Variants in SERPINI1 observed in about 807,000 individuals in gnomAD.
SERPINI1 encodes neuroserpin.
SERPINI1 carries 19 observed loss-of-function variants against 41.1 expected under a neutral mutation model. The ratio of observed to expected loss-of-function variants is 0.46; its 90% confidence interval spans 0.32 to 0.68. The LOEUF (loss-of-function observed/expected upper bound fraction) is 0.68, where lower values mean the gene tolerates loss of function less well. Ranked by LOEUF, SERPINI1 falls within the 30% of genes least tolerant of loss-of-function variation. The pLI is 0.03. For synonymous variants in SERPINI1, 138 were observed against 156.6 expected (o/e 0.88, Z 0.89); for missense variants, 460 against 479.2 (o/e 0.96, Z 0.37).
chr3:167,765,910 C>T (rs1335373210), intron 1 of SERPINI1, among the ~76,000 whole-genome samples: 1 of 152,174 alleles, frequency 6.6e-6, no homozygotes, highest in East Asian at 1.9e-4. Context: ...CAAGAGTCAC[C>T]TTTGCTGCAG....
Position 167,789,105 on chromosome 3 carries a change from T to C in SERPINI1, c.-18-6T>C. 1 of 1,612,562 alleles carries C rather than the reference T, an allele frequency of 6.2e-7. No homozygotes were observed. The highest frequency in any genetic ancestry group is 8.5e-7 in the Non-Finnish European group (1 of 1,179,814). On this transcript the variant is annotated splice_polypyrimidine_tract_variant and splice_region_variant and intron_variant, in intron 1 of 8. Coordinates refer to ENST00000446050, the MANE Select transcript of SERPINI1 (RefSeq NM_001122752.2). Reference sequence around the variant, plus strand: ...AATAATTAATATGTAAATTGTTGTTTTTTAGGCTTGAAACTGTTACAATAT... The same window carrying C: ...AATAATTAATATGTAAATTGTTGTTCTTTAGGCTTGAAACTGTTACAATAT...
At chr3:167,824,878 A>G (rs995057572) in intron 8 of SERPINI1, among the ~76,000 whole-genome samples, 1 of 152,022 alleles carries the variant, frequency 6.6e-6, no homozygotes, top group African/African-American at 2.4e-5. Context: ...ATTTCTACAT[A>G]AATAAAATTT....
intron 6 of SERPINI1, among the ~76,000 whole-genome samples, chr3:167,818,230 G>A (rs915016276): frequency 6.6e-6 from 1 of 151,882 alleles, no homozygotes; most frequent in African/African-American, 2.4e-5. Context: ...GTTTCACCAT[G>A]TTGGCCACCC....
chr3:167,757,413 TTC>T (rs753400951), intron 1 of SERPINI1, among the ~76,000 whole-genome samples: 3 of 152,146 alleles, frequency 2.0e-5, no homozygotes. Flanking sequence ...ACATAGGAAT[TTC>T]TGTTATACAA....
chr3:167,767,166 C>T (rs1431245679), intron 1 of SERPINI1, among the ~76,000 whole-genome samples: 1 of 152,174 alleles, frequency 6.6e-6, no homozygotes, highest in East Asian at 1.9e-4. Context: ...TAAGTTGGAG[C>T]CAATGCTCAT....
intron 1 of SERPINI1, among the ~76,000 whole-genome samples, chr3:167,766,204 C>A (rs1726561488): frequency 6.8e-6 from 1 of 148,072 alleles, no homozygotes; most frequent in African/African-American, 2.5e-5. Context: ...AAATACGTAC[C>A]CAAGACTGGG....
At chr3:167,808,130 A>C (rs2108567716) in intron 6 of SERPINI1, among the ~76,000 whole-genome samples, 1 of 144,700 alleles carries the variant, frequency 6.9e-6, no homozygotes, top group South Asian at 2.1e-4. Context: ...AAAAATAGTA[A>C]TGATAATAAA....
At chr3:167,820,141 T>C (rs776377400) in intron 6 of SERPINI1, among the ~76,000 whole-genome samples, 1 of 152,216 alleles carries the variant, frequency 6.6e-6, no homozygotes, top group South Asian at 2.1e-4. Context: ...GAGGCCTCCC[T>C]TCTTGGTGTG....
At chr3:167,815,479 T>G (rs1323877926) in intron 6 of SERPINI1, among the ~76,000 whole-genome samples, 2 of 152,060 alleles carry the variant, frequency 1.3e-5, no homozygotes, top group Admixed American at 1.3e-4. Context: ...AACCTCTGCC[T>G]CCTGGGTTCG....
intron 1 of SERPINI1, among the ~76,000 whole-genome samples, chr3:167,756,950 T>C (rs1322402044): frequency 6.6e-6 from 1 of 152,246 alleles, no homozygotes; most frequent in Non-Finnish European, 1.5e-5. Flanking sequence ...TGACTCTATG[T>C]AAATGAGGTT....
chr3:167,777,921 G>A (rs554705913), intron 1 of SERPINI1, among the ~76,000 whole-genome samples: 120 of 152,244 alleles, frequency 7.9e-4, no homozygotes, highest in African/African-American at 2.8e-3. Flanking sequence ...GGAGTGGGCT[G>A]GTTATGGTAG....
chr3:167,786,311 T>C (rs1006557822), intron 1 of SERPINI1, among the ~76,000 whole-genome samples: 3 of 152,076 alleles, frequency 2.0e-5, no homozygotes, highest in African/African-American at 7.2e-5. Context: ...GAGACCAGTC[T>C]GGCCAACATG....
chr3:167,817,027 G>T (rs553723502), intron 6 of SERPINI1, among the ~76,000 whole-genome samples: 3 of 152,124 alleles, frequency 2.0e-5, no homozygotes, highest in South Asian at 2.1e-4. Context: ...TATACTGAAG[G>T]TGAGGTGAGA....
At position 167,825,347 on chromosome 3, in the gene SERPINI1, A is replaced by G; in HGVS notation, c.*24A>G. On this transcript the variant is annotated 3_prime_UTR_variant, in exon 9 of 9. Transcript: ENST00000446050. ...AAGTTACTTTATTTGAATAACAAGG[A>G]AAACAGTAACTAAGCACATTATGTT... is the stretch of plus-strand genomic sequence containing the variant. The G allele has an allele frequency of 6.8e-7, 1 of 1,474,244 alleles. No individual in the cohort carries two copies. The highest frequency in any genetic ancestry group is 1.7e-5 in the Admixed American group (1 of 59,826). The allele number at this position is 1,474,244 out of a possible 1,614,324, so 91.3% of individuals were successfully genotyped here. A position where few individuals can be genotyped will look rare whatever the true frequency, so the allele number is the denominator to read the frequency against.
At chr3:167,755,794 ATTTTTT>A (rs34182780) in intron 1 of SERPINI1, among the ~76,000 whole-genome samples, 4 of 119,210 alleles carry the variant, frequency 3.4e-5, no homozygotes, top group Non-Finnish European at 5.2e-5. Context: ...GGTGTTGCTG[ATTTTTT>A]TTTTTTTTTT....
chr3:167,806,442 A>G (rs1355272195), intron 5 of SERPINI1, among the ~76,000 whole-genome samples: 1 of 152,138 alleles, frequency 6.6e-6, no homozygotes, highest in East Asian at 1.9e-4. Context: ...ATGTATACCT[A>G]TGTAACAAAC....
chr3:167,789,065 G>A, intron 1 of SERPINI1, 46 bp from the exon 2 acceptor site: 5 of 1,576,992 alleles, frequency 3.2e-6, no homozygotes, highest in Non-Finnish European at 4.3e-6. Context: ...TGAGACTTTT[G>A]TTATAGAGAT....
rs58524967 is a variant in SERPINI1 at position 167,763,379 on chromosome 3, A to ATG, written c.-18-25716_-18-25715dup. Among the ~76,000 whole-genome samples, 281 of 136,480 alleles carry ATG rather than the reference A, an allele frequency of 2.1e-3. 1 individual carries two copies. Among genetic ancestry groups the ATG allele is most frequent in the Admixed American group, 0.017 (229 of 13,336 alleles). 89.5% of individuals were successfully genotyped at this position (136,480 alleles called of 152,430 possible). A position where few individuals can be genotyped will look rare whatever the true frequency, so the allele number is the denominator to read the frequency against. On this transcript the variant is annotated intron_variant, in intron 1 of 8. Transcript: ENST00000446050. The stretch of plus-strand genomic sequence containing the variant: ...GTTTTGTGTGTGTGTGTGTGTGTGT[A>ATG]TGTGTGTGTGTGTGTGTTGAGACAG...
intron 1 of SERPINI1, 23 bp from the exon 2 acceptor site, chr3:167,789,088 A>G (rs199986072): frequency 4.4e-5 from 70 of 1,605,684 alleles, no homozygotes; most frequent in Non-Finnish European, 1.8e-5. Context: ...CTAATAATTA[A>G]TATGTAAATT....
Sources: allele counts gnomAD v4.1 joint callset (sites outside exome capture counted in the v4.1 genomes callset), GRCh38; gene constraint gnomAD v4.1.1; transcripts MANE v1.5; gene names NCBI Gene and HGNC (gene_info 2026-07-23, HGNC 2026-07-21).